The following SGCD variants were observed in gnomAD, a reference collection of about 807,000 sequenced individuals.
SGCD encodes delta-sarcoglycan.
SGCD carries 18 observed loss-of-function variants against 36.6 expected under a neutral mutation model. The ratio of observed to expected loss-of-function variants is 0.49; its 90% CI spans 0.34 to 0.73. The LOEUF is 0.73. SGCD is among the 30% of genes least tolerant of loss of function. The probability of loss-of-function intolerance (pLI) is 0.01; values close to 1 mark genes in which losing one functional copy is unlikely to be tolerated. For missense variants in SGCD, 387 were observed against 346.7 expected (o/e 1.12, Z -0.92); for synonymous variants, 133 against 130.6 (o/e 1.02, Z -0.12).
intron 3 of SGCD, among the ~76,000 whole-genome samples, chr5:156,288,828 A>G (rs895288614): frequency 1.3e-5 from 2 of 152,284 alleles, no homozygotes; most frequent in Admixed American, 6.6e-5. Flanking sequence ...TAGGATCTAG[A>G]CACTGGCCCC....
At chr5:156,534,958 A>G (rs1758038161) in intron 4 of SGCD, among the ~76,000 whole-genome samples, 1 of 152,184 alleles carries the variant, frequency 6.6e-6, no homozygotes. Context: ...AAAAATATAA[A>G]TAAGATTCCT....
intron 1 of SGCD, among the ~76,000 whole-genome samples, chr5:156,077,384 G>A (rs1465349335): frequency 6.6e-6 from 1 of 152,098 alleles, no homozygotes; most frequent in Non-Finnish European, 1.5e-5. Flanking sequence ...TATTGGGATG[G>A]AAGGACGATT....
intron 4 of SGCD, among the ~76,000 whole-genome samples, chr5:156,524,657 A>G (rs1262511101): frequency 7.9e-5 from 12 of 151,948 alleles, no homozygotes; most frequent in Admixed American, 3.9e-4. Flanking sequence ...CTTATTACCT[A>G]TAGTCACCAT....
At chr5:155,794,733 A>G in the SGCD span, among the ~76,000 whole-genome samples, 5,833 of 151,892 alleles carry the variant, frequency 0.038, 149 homozygotes, top group Middle Eastern at 0.065. Flanking sequence ...ACTGGGAGAA[A>G]AAAGAATTTG....
At chr5:156,492,133 A>G (rs1755973850) in intron 3 of SGCD, among the ~76,000 whole-genome samples, 1 of 152,178 alleles carries the variant, frequency 6.6e-6, no homozygotes. Flanking sequence ...TGTAACATGT[A>G]TGAATCCTTT....
intron 1 of SGCD, among the ~76,000 whole-genome samples, chr5:156,012,708 G>T (rs936898381): frequency 3.3e-5 from 5 of 150,998 alleles, no homozygotes; most frequent in African/African-American, 1.2e-4. Flanking sequence ...CGCCTCCTGG[G>T]TTCACGCCAT....
chr5:156,045,771 G>A (rs1759750167), intron 1 of SGCD, among the ~76,000 whole-genome samples: 1 of 152,076 alleles, frequency 6.6e-6, no homozygotes, highest in South Asian at 2.1e-4. Flanking sequence ...TTCTCCTGAA[G>A]ACACTAATCC....
chr5:156,075,981 A>C (rs1760773894), intron 1 of SGCD, among the ~76,000 whole-genome samples: 1 of 152,120 alleles, frequency 6.6e-6, no homozygotes, highest in Non-Finnish European at 1.5e-5. Flanking sequence ...TATTACTCCA[A>C]AACCTGGAAC....
chr5:156,373,073 T>G (rs1770475032), intron 3 of SGCD, among the ~76,000 whole-genome samples: 1 of 152,120 alleles, frequency 6.6e-6, no homozygotes. Context: ...TCAGAGGTAT[T>G]TGGTGTTTAA....
At chr5:155,903,969 C>G (rs991713143) in intron 1 of SGCD, among the ~76,000 whole-genome samples, 2 of 152,170 alleles carry the variant, frequency 1.3e-5, no homozygotes, top group South Asian at 4.1e-4. Flanking sequence ...CAGCTGACTT[C>G]TGCTAGCCTG....
chr5:156,131,368 G>A (rs1364487973), intron 3 of SGCD, among the ~76,000 whole-genome samples: 1 of 152,114 alleles, frequency 6.6e-6, no homozygotes, highest in East Asian at 1.9e-4. Flanking sequence ...CATAGGATGG[G>A]GATGATTCTC....
In SGCD at chr5:156,484,243, GAT is replaced by G. The variant is rs138484181; in HGVS notation, c.193-24356_193-24355del. On this transcript the variant is annotated intron_variant, in intron 3 of 8. Coordinates refer to ENST00000337851, the MANE Select transcript of SGCD (RefSeq NM_000337.6). ...CAGAAGGCCTTCTTTTTCCTGAAAA[GAT>G]AGAGTATGTGAAGGCCACATCTCTA... Among the ~76,000 whole-genome samples the G allele has an allele frequency of 9.2e-3, 1,401 of 152,310 alleles. 18 individuals are homozygous for G. Among genetic ancestry groups the G allele is most frequent in the African/African-American group, 0.031 (1,279 of 41,576 alleles).
rs527289742 is a variant in SGCD, at chr5:155,897,229, T to C, written c.-282+26805T>C. Among the ~76,000 whole-genome samples the C allele has an allele frequency of 2.6e-5, 4 of 152,322 alleles. No homozygotes were observed. The South Asian group carries it at 8.3e-4, about 32-fold the overall frequency. On this transcript the variant is annotated intron_variant, in intron 1 of 9. Coordinates refer to the SGCD transcript ENST00000517913. ...GAGCATGTTACTGTACTGAATACTA[T>C]AAGCAACTATAATACAATGGGAAGT...
At chr5:155,818,420 G>C in the SGCD span, among the ~76,000 whole-genome samples, 1 of 152,150 alleles carries the variant, frequency 6.6e-6, no homozygotes. Flanking sequence ...ACATGCCTCA[G>C]GTAAGAGGGG....
chr5:156,025,854 T>A (rs558934633), intron 1 of SGCD, among the ~76,000 whole-genome samples: 4 of 152,340 alleles, frequency 2.6e-5, no homozygotes, highest in African/African-American at 9.6e-5. Context: ...AAGAAAGAAT[T>A]GCCATCTGGT....
At chr5:156,746,282 A>G (rs1756933474) in intron 7 of SGCD, among the ~76,000 whole-genome samples, 1 of 152,192 alleles carries the variant, frequency 6.6e-6, no homozygotes, top group Non-Finnish European at 1.5e-5. Flanking sequence ...GGATATAGCC[A>G]AAATCTCTCT....
rs1201873331 is a variant in SGCD at position 156,349,310 on chromosome 5, TAAC to T, written c.192+4637_192+4639del. ...CAGTAAAAGAAATAGTAATCAGAAT[TAAC>T]AACCTATGAAGTGGGAGAAAAAATT... On this transcript the variant is annotated intron_variant, in intron 3 of 8. Coordinates refer to ENST00000337851, the MANE Select transcript of SGCD (RefSeq NM_000337.6). Among the ~76,000 whole-genome samples the T allele has an allele frequency of 2.0e-5, 3 of 151,636 alleles. No individual in the cohort carries two copies. In the South Asian group the frequency reaches 6.2e-4, roughly 31 times the overall value.
At chr5:155,888,188 A>G (rs1206440709) in intron 1 of SGCD, among the ~76,000 whole-genome samples, 1 of 152,172 alleles carries the variant, frequency 6.6e-6, no homozygotes, top group African/African-American at 2.4e-5. Flanking sequence ...AGTTTCCTGT[A>G]TGGTCACTTT....
intron 3 of SGCD, among the ~76,000 whole-genome samples, chr5:156,134,351 T>A (rs941870991): frequency 1.3e-5 from 2 of 152,206 alleles, no homozygotes; most frequent in Admixed American, 6.5e-5. Flanking sequence ...TGAAGGACTG[T>A]CTAAAGAGCT....
Sources: allele counts gnomAD v4.1 joint callset (sites outside exome capture counted in the v4.1 genomes callset), GRCh38; gene constraint gnomAD v4.1.1; transcripts MANE v1.5; gene names NCBI Gene and HGNC (gene_info 2026-07-23, HGNC 2026-07-21).